TTC8: variants seen among roughly 807,000 people sequenced by gnomAD.
TTC8 encodes tetratricopeptide repeat domain 8, also known as tetratricopeptide repeat protein 8.
In TTC8, 47 loss-of-function variants were observed where a neutral mutation model predicts 72.5. The ratio of observed to expected loss-of-function variants is 0.65; its 90% confidence interval spans 0.51 to 0.83. The LOEUF is 0.83. TTC8 is among the 40% of genes least tolerant of loss of function. TTC8 has a pLI of 0.00. For synonymous variants in TTC8, 199 were observed against 221.4 expected (o/e 0.90, Z 0.90); for missense variants, 611 against 623.2 (o/e 0.98, Z 0.21).
intron 1 of TTC8, among the ~76,000 whole-genome samples, chr14:88,832,683 GAAGA>G (rs942885096): frequency 2.7e-4 from 41 of 152,308 alleles, no homozygotes; most frequent in African/African-American, 9.6e-4. Flanking sequence ...CAAGTAAACA[GAAGA>G]AAGAAAGAAT....
chr14:88,846,667 GA>G, intron 7 of TTC8: 1 of 1,438,702 alleles, frequency 7.0e-7, no homozygotes, highest in Non-Finnish European at 9.4e-7. Context: ...AAATCACATT[GA>G]AAAAAATGTA....
At chr14:88,842,815 G>T (rs1037327475) in intron 6 of TTC8, among the ~76,000 whole-genome samples, 3 of 152,152 alleles carry the variant, frequency 2.0e-5, no homozygotes, top group African/African-American at 7.2e-5. Context: ...AAGGCATATT[G>T]CTTGGGGTGT....
chr14:88,839,705 A>G (rs898437460), intron 3 of TTC8, 133 bp downstream of exon 3: 4 of 1,087,250 alleles, frequency 3.7e-6, no homozygotes, highest in African/African-American at 3.2e-5. Flanking sequence ...AACAAAAATG[A>G]TGAAAAAACC....
At chr14:88,868,372 A>T (rs1353925782) in intron 10 of TTC8, among the ~76,000 whole-genome samples, 1 of 152,244 alleles carries the variant, frequency 6.6e-6, no homozygotes, top group Non-Finnish European at 1.5e-5. Context: ...ACTTCTTCTC[A>T]GCAATTTTTA....
chr14:88,830,401 G>A (rs1313527173), intron 1 of TTC8, among the ~76,000 whole-genome samples: 1 of 152,176 alleles, frequency 6.6e-6, no homozygotes, highest in Non-Finnish European at 1.5e-5. Context: ...ATCACTGGGA[G>A]TCAGTTCTGA....
chr14:88,861,498 T>A (rs2094885769), intron 10 of TTC8, among the ~76,000 whole-genome samples, 166 bp downstream of exon 10: 1 of 152,194 alleles, frequency 6.6e-6, no homozygotes. Context: ...TTTGGGAACA[T>A]TACAATTCTT....
downstream of TTC8, chr14:88,880,290 A>G (rs1280730564): frequency 1.3e-5 from 2 of 152,236 alleles, no homozygotes; most frequent in Admixed American, 6.5e-5. Context: ...CTGCACTTTC[A>G]TATCTATCCA....
intron 7 of TTC8, among the ~76,000 whole-genome samples, chr14:88,850,842 G>A (rs1009291283): frequency 1.6e-4 from 24 of 152,242 alleles, no homozygotes; most frequent in Non-Finnish European, 3.1e-4. Flanking sequence ...TCCTGAGAAA[G>A]TGTGCCCAAG....
At chr14:88,833,625 C>T in intron 1 of TTC8, 68 bp from the exon 2 acceptor site, 1 of 1,447,234 alleles carries the variant, frequency 6.9e-7, no homozygotes, top group Non-Finnish European at 9.7e-7. Context: ...CTTGGTTGGT[C>T]CTTAGGACTT....
At position 88,833,690 on chromosome 14, in the gene TTC8, C is replaced by T. The variant is rs753856994; in HGVS notation, c.115-3C>T. ...TGTTTACTGCCTTCTTAATGCTTTC[C>T]AGGAACCAGATCCTGAATTGCCAGT... is the stretch of plus-strand genomic sequence containing the variant. On this transcript the variant is annotated splice_polypyrimidine_tract_variant and splice_region_variant and intron_variant, in intron 1 of 14. Transcript: ENST00000380656. 12 of 1,613,328 alleles carry T rather than the reference C, an allele frequency of 7.4e-6. No individual in the cohort carries two copies. The highest frequency in any genetic ancestry group is 1.7e-5 in the Admixed American group (1 of 59,974).
In TTC8 at chr14:88,843,836, A is replaced by T; in HGVS notation, c.610A>T (p.Asn204Tyr). ...GTTTGAGTATATCTTTCATCATGAA[A>T]ATGATGTTAAGACTGTAAGTTTTGA... ...ALFEYIFHHE[N>Y]DVKTALDLAA... The change falls in exon 7 of 15, where the codon AAT becomes TAT. Residue 204 changes from asparagine to tyrosine, a missense_variant. Transcript: ENST00000380656. 6.3e-7 allele frequency: 1 copy of T among 1,595,252 alleles called. No individual in the cohort carries two copies. The highest frequency in any genetic ancestry group is 8.6e-7 in the Non-Finnish European group (1 of 1,167,876).
Position 88,877,447 on chromosome 14 carries a change from A to G in TTC8, c.*37A>G, listed in dbSNP as rs1180842928. The G allele has an allele frequency of 8.4e-6, 13 of 1,539,284 alleles. No individual in the cohort carries two copies. Among genetic ancestry groups the G allele is most frequent in the Middle Eastern group, 3.4e-4 (2 of 5,918 alleles). ...ACCACATATGTTCTTATGAAGCAGC[A>G]TTATGCAAGGGGAAAAAAGCACTAT... is the stretch of plus-strand genomic sequence containing the variant. On this transcript the variant is annotated 3_prime_UTR_variant, in exon 15 of 15. Transcript: ENST00000380656.
Position 88,836,714 on chromosome 14 carries a change from A to C in TTC8, c.145-2738A>C, listed in dbSNP as rs184354716. ...TGAATTTGAAAATAGTTAAAAGTAA[A>C]ATATATTAATAACCAACTATATAAA... On this transcript the variant is annotated intron_variant, in intron 2 of 14. Transcript: ENST00000380656. 4.0e-4 allele frequency among the ~76,000 whole-genome samples: 61 copies of C among 152,276 alleles called. 1 individual carries two copies. The highest frequency in any genetic ancestry group is 1.4e-3 in the African/African-American group (60 of 41,530).
intron 7 of TTC8, chr14:88,846,705 T>C: frequency 8.5e-7 from 1 of 1,177,930 alleles, no homozygotes; most frequent in South Asian, 1.4e-5. Context: ...CTACTGCACT[T>C]AATATTCTAA....
chr14:88,852,293 C>A (rs1366278533), intron 7 of TTC8, among the ~76,000 whole-genome samples: 3 of 152,068 alleles, frequency 2.0e-5, no homozygotes, highest in Non-Finnish European at 4.4e-5. Context: ...ATAGAGGGAA[C>A]AAACTCGAGG....
intron 9 of TTC8, 39 bp downstream of exon 9, chr14:88,857,316 GA>G (rs771338474): frequency 6.4e-7 from 1 of 1,557,348 alleles, no homozygotes; most frequent in Non-Finnish European, 8.9e-7. Context: ...TGCCTTCTCA[GA>G]ATAAATGTTT....
rs1321826310 is a variant in TTC8 at position 88,872,334 on chromosome 14, T to A, written c.1229T>A (p.Ile410Lys). ...WYNLGHVAVGIGDTNLAHQCF... is the reference protein window; with the variant it reads ...WYNLGHVAVGKGDTNLAHQCF... The stretch of plus-strand genomic sequence containing the variant: ...AACATAGGCTTTCTTTTGTAGGGAA[T>A]AGGAGATACAAATTTGGCCCATCAG... Residue 410 changes from isoleucine (I) to lysine (K), a missense_variant, in exon 13 of 15, where the codon ATA (isoleucine) becomes AAA (lysine). Physicochemically the swap from Ile to Lys is moderately radical, Grantham distance 102. Transcript: ENST00000380656. The A allele has an allele frequency of 6.2e-7, 1 of 1,613,530 alleles. No individual in the cohort carries two copies. The highest frequency in any genetic ancestry group is 1.3e-5 in the African/African-American group (1 of 74,850).
chr14:88,853,170 TTGAC>T lies in TTC8; in HGVS notation c.710+116_710+119del, dbSNP rs1464254894. 4.1e-6 allele frequency: 3 copies of T among 736,148 alleles called. No individual in the cohort carries two copies. In the African/African-American group the frequency reaches 5.2e-5, roughly 13 times the overall value. 45.6% of individuals were successfully genotyped at this position (736,148 alleles called of 1,614,324 possible). On this transcript the variant is annotated intron_variant, in intron 8 of 14. Coordinates refer to ENST00000380656, the MANE Select transcript of TTC8 (RefSeq NM_144596.4). ...CCATGAAGAAATGAGAACTGTGTCT[TTGAC>T]TTACTTGATAAAGCATTTACTTAAC...
chr14:88,842,936 G>A (rs943463736), intron 6 of TTC8, among the ~76,000 whole-genome samples: 8 of 147,322 alleles, frequency 5.4e-5, no homozygotes, highest in Non-Finnish European at 1.2e-4. Context: ...CAAATGGAAG[G>A]ATTGTTATAG....
Sources: gnomAD v4.1 joint callset for allele counts (sites outside exome capture counted in the v4.1 genomes callset) on GRCh38, gnomAD v4.1.1 for gene constraint, MANE v1.5 for transcripts, NCBI Gene and HGNC (gene_info 2026-07-23, HGNC 2026-07-21) for gene names.